Variants in ATXN1 observed in about 807,000 individuals in gnomAD.
ATXN1 encodes the protein ataxin 1.
ATXN1 carries 8 observed loss-of-function variants against 56.4 expected under a neutral mutation model. That is an observed-to-expected ratio of 0.14 (90% confidence interval 0.08 to 0.26). ATXN1 has a LOEUF of 0.26. Among genes scored for constraint, ATXN1 ranks in the 10% least tolerant of loss-of-function variants. The probability of loss-of-function intolerance (pLI) is 1.00; values close to 1 mark genes in which losing one functional copy is unlikely to be tolerated. For missense variants in ATXN1, 987 were observed against 1,106.5 expected, an observed-to-expected ratio of 0.89 and a Z score of 1.53; for synonymous variants, 514 against 494.6, an observed-to-expected ratio of 1.04 and a Z score of -0.52.
At chr6:16,737,931 C>T (rs1393354707) in intron 2 of ATXN1, 2 of 151,466 alleles carry the variant, frequency 1.3e-5, no homozygotes, top group Non-Finnish European at 2.9e-5. Context: ...AGAAAGAAAA[C>T]AAAATAGACG....
At chr6:16,759,046 G>C (rs975022855) in intron 1 of ATXN1, among the ~76,000 whole-genome samples, 1 of 152,190 alleles carries the variant, frequency 6.6e-6, no homozygotes, top group Admixed American at 6.5e-5. Context: ...TGGGCTTAAG[G>C]GGGGCTTCTA....
intron 2 of ATXN1, chr6:16,736,817 T>G (rs1396801771): frequency 6.6e-6 from 1 of 152,184 alleles, no homozygotes; most frequent in Admixed American, 6.5e-5. Context: ...TTAGCAAAGG[T>G]TATTTGTAAG....
chr6:16,604,787 A>C (rs1266749266), intron 3 of ATXN1, among the ~76,000 whole-genome samples: 1 of 150,996 alleles, frequency 6.6e-6, no homozygotes, highest in Admixed American at 6.6e-5. Context: ...AGGCCTCACT[A>C]TGTTGCCCAG....
rs1381142343 is a variant in ATXN1 at position 16,328,200 on chromosome 6, G to A, written c.111C>T (p.Asn37=). Residue 37 remains asparagine, a synonymous_variant, in exon 7 of 8, where the codon AAC becomes AAT. Coordinates refer to ENST00000436367, the MANE Select transcript of ATXN1 (RefSeq NM_001128164.2). This position sits in a 1 kb window ranked among gnomAD's most constrained non-coding sequence, Gnocchi z 6.2. ...GCCATGCTGTGCCCTCCACCCGGTGGTTGTCGCTGGGCAGGGTAGGGGCCT... is the reference window on the plus strand; with the variant it reads ...GCCATGCTGTGCCCTCCACCCGGTGATTGTCGCTGGGCAGGGTAGGGGCCT... ...EEKAPTLPSD[N]HRVEGTAWLP... 1 of 1,598,404 alleles carries A rather than the reference G, an allele frequency of 6.3e-7. No homozygotes were observed. Among genetic ancestry groups the A allele is most frequent in the Non-Finnish European group, 8.5e-7 (1 of 1,170,126 alleles).
At chr6:16,426,994 C>A (rs2113574649) in intron 6 of ATXN1, among the ~76,000 whole-genome samples, 1 of 152,202 alleles carries the variant, frequency 6.6e-6, no homozygotes, top group African/African-American at 2.4e-5. Flanking sequence ...AAGCCCCGCC[C>A]CCTCACCAAT....
At chr6:16,615,664 T>C (rs1204490125) in intron 3 of ATXN1, 2 of 151,562 alleles carry the variant, frequency 1.3e-5, no homozygotes, top group Non-Finnish European at 3.0e-5. Context: ...TAGAATACTA[T>C]GTATTTGCCA....
intron 4 of ATXN1, among the ~76,000 whole-genome samples, chr6:16,550,019 G>A (rs1249617171): frequency 2.0e-5 from 3 of 151,680 alleles, no homozygotes; most frequent in Non-Finnish European, 4.4e-5. Flanking sequence ...TGGGGACTGG[G>A]GTGGGGAGGG....
At chr6:16,543,079 G>A (rs1761746278) in intron 4 of ATXN1, among the ~76,000 whole-genome samples, 1 of 152,158 alleles carries the variant, frequency 6.6e-6, no homozygotes, top group African/African-American at 2.4e-5. Flanking sequence ...TCCAGAAGGT[G>A]ATGCATAAAA....
chr6:16,646,828 A>G (rs1430018862), intron 3 of ATXN1, among the ~76,000 whole-genome samples: 1 of 152,242 alleles, frequency 6.6e-6, no homozygotes, highest in Non-Finnish European at 1.5e-5. Context: ...TTCCCCTAAC[A>G]GTGTAAATTC....
At chr6:16,352,767 A>C (rs745786458) in intron 6 of ATXN1, among the ~76,000 whole-genome samples, 3 of 152,116 alleles carry the variant, frequency 2.0e-5, no homozygotes, top group Non-Finnish European at 4.4e-5. Context: ...TATGTACGCT[A>C]TGTTTTTTTC....
intron 2 of ATXN1, among the ~76,000 whole-genome samples, chr6:16,665,164 T>C (rs984607001): frequency 5.3e-5 from 8 of 152,202 alleles, no homozygotes; most frequent in South Asian, 2.1e-4. Flanking sequence ...ATTCTTTTTT[T>C]ATATCATACC....
intron 3 of ATXN1, among the ~76,000 whole-genome samples, chr6:16,611,961 G>T (rs903720441): frequency 1.3e-4 from 18 of 136,174 alleles, no homozygotes; most frequent in African/African-American, 4.9e-4. Context: ...CTGGGTTCAT[G>T]CCATTCTCCT....
At chr6:16,404,702 GCGCACACA>G (rs1020999614) in intron 6 of ATXN1, among the ~76,000 whole-genome samples, 1 of 131,984 alleles carries the variant, frequency 7.6e-6, no homozygotes, top group Admixed American at 7.0e-5. Flanking sequence ...ACTCGCGCGC[GCGCACACA>G]CGCACACACA....
intron 4 of ATXN1, among the ~76,000 whole-genome samples, chr6:16,570,537 C>G (rs1286036381): frequency 6.6e-6 from 1 of 152,152 alleles, no homozygotes; most frequent in Non-Finnish European, 1.5e-5. Flanking sequence ...CCTAAGATAA[C>G]TAGGATCATA....
intron 6 of ATXN1, among the ~76,000 whole-genome samples, chr6:16,454,125 C>CAAAAAAAAAAAAAAAAAAAAAAAAAA (rs56277549): frequency 2.6e-5 from 2 of 76,668 alleles, no homozygotes; most frequent in Non-Finnish European, 4.5e-5. Flanking sequence ...GACTCTGTCT[C>CAAAAAAAAAAAAAAAAAAAAAAAAAA]AAAAAAAAAA....
rs1760072851 is a variant in ATXN1, at chr6:16,300,945, C to T, written c.*5384G>A. On this transcript the variant is annotated 3_prime_UTR_variant, in exon 8 of 8. Coordinates refer to ENST00000436367, the MANE Select transcript of ATXN1 (RefSeq NM_001128164.2). ...TCCCTCAGACGAGGGCTATATGTAA[C>T]AAAAATAACAATAAGCATAGGTATA... 6.6e-6 allele frequency: 1 copy of T among 152,488 alleles called. No individual in the cohort carries two copies. Among genetic ancestry groups the T allele is most frequent in the South Asian group, 2.1e-4 (1 of 4,830 alleles). 9.4% of individuals were successfully genotyped at this position (152,488 alleles called of 1,614,324 possible). A position where few individuals can be genotyped will look rare whatever the true frequency, so the allele number is the denominator to read the frequency against.
chr6:16,533,396 C>T (rs1761540690), intron 4 of ATXN1, among the ~76,000 whole-genome samples: 2 of 152,114 alleles, frequency 1.3e-5, no homozygotes, highest in African/African-American at 4.8e-5. Context: ...TCCAGGAAAT[C>T]GGCTTCCACA....
In ATXN1 at chr6:16,501,491, T is replaced by C. The variant is rs9477143; in HGVS notation, c.-298-15382A>G. On this transcript the variant is annotated intron_variant, in intron 5 of 7. Coordinates refer to ENST00000436367, the MANE Select transcript of ATXN1 (RefSeq NM_001128164.2). ...CCTCCCCTTGCCCCCCACTCACCGATAGGCCCTGGTGTGTGATGTTCCCCT... is the reference window on the plus strand; with the variant it reads ...CCTCCCCTTGCCCCCCACTCACCGACAGGCCCTGGTGTGTGATGTTCCCCT... Among the ~76,000 whole-genome samples the C allele has an allele frequency of 7.2e-3, 1,088 of 152,162 alleles. 16 individuals carry two copies. Among genetic ancestry groups the C allele is most frequent in the African/African-American group, 0.024 (1,015 of 41,522 alleles).
At chr6:16,345,734 C>G (rs1287155221) in intron 6 of ATXN1, among the ~76,000 whole-genome samples, 1 of 152,056 alleles carries the variant, frequency 6.6e-6, no homozygotes, top group Non-Finnish European at 1.5e-5. Flanking sequence ...CAGTCACTAG[C>G]AAGATGGACA....
Sources: gnomAD v4.1 joint callset for allele counts (sites outside exome capture counted in the v4.1 genomes callset) on GRCh38, gnomAD v4.1.1 for gene constraint, Gnocchi (gnomAD v3.1) non-coding constraint, MANE v1.5 for transcripts, NCBI Gene and HGNC (gene_info 2026-07-23, HGNC 2026-07-21) for gene names.